EIF3L: variants seen among roughly 807,000 people sequenced by gnomAD.
EIF3L encodes the protein eIEF associated protein HSPC021.
A neutral mutation model predicts 74.6 loss-of-function variants in EIF3L; 32 were observed. The ratio of observed to expected loss-of-function variants is 0.43; its 90% CI spans 0.32 to 0.58. The LOEUF (loss-of-function observed/expected upper bound fraction) is 0.58, where lower values mean the gene tolerates loss of function less well. EIF3L is among the 20% of genes least tolerant of loss of function. The probability of loss-of-function intolerance (pLI) is 0.06; values close to 1 mark genes in which losing one functional copy is unlikely to be tolerated. For synonymous variants in EIF3L, 256 were observed against 254.4 expected (o/e 1.01, Z -0.06); for missense variants, 474 against 707.8 (o/e 0.67, Z 3.75).
In EIF3L at chr22:37,888,509, C is replaced by A; in HGVS notation, c.*45C>A. The A allele has an allele frequency of 6.2e-7, 1 of 1,602,360 alleles. No individual in the cohort carries two copies. Among genetic ancestry groups the A allele is most frequent in the Non-Finnish European group, 8.5e-7 (1 of 1,171,526 alleles). On this transcript the variant is annotated 3_prime_UTR_variant, in exon 13 of 13. Coordinates refer to ENST00000652021, the MANE Select transcript of EIF3L (RefSeq NM_016091.4). The stretch of plus-strand genomic sequence containing the variant: ...GGAACCTGTTTTGATGTATTATAGG[C>A]AGGAAGTGTTTTTGCTACCGTGAAA...
At chr22:37,883,046 CA>C (rs1674331688) in intron 11 of EIF3L, 1 of 151,762 alleles carries the variant, frequency 6.6e-6, no homozygotes, top group Admixed American at 6.6e-5. Context: ...CCTGTAATCC[CA>C]ACACTTTGAG....
chr22:37,855,791 C>T (rs1925471473), intron 4 of EIF3L, 147 bp downstream of exon 4: 2 of 597,642 alleles, frequency 3.3e-6, no homozygotes, highest in Non-Finnish European at 5.9e-6. Context: ...GGCAAAATAA[C>T]TTGTCGAAGG....
At chr22:37,884,307 AT>A (rs1294730918) in intron 11 of EIF3L, 1 of 152,096 alleles carries the variant, frequency 6.6e-6, no homozygotes, top group Non-Finnish European at 1.5e-5. Context: ...GTTGTTGCAC[AT>A]TTGGGGTTTT....
chr22:37,863,777 A>G lies in EIF3L; in HGVS notation c.579+432A>G, dbSNP rs143929215. On this transcript the variant is annotated intron_variant, in intron 7 of 12. Transcript: ENST00000652021. ...TATTATCTTTTTTTTTTTAAGAGTC[A>G]GGGTCAGGCCGGGCGCGGTGACTCA... is the stretch of plus-strand genomic sequence containing the variant. 1.4e-3 allele frequency among the ~76,000 whole-genome samples: 216 copies of G among 151,918 alleles called. 1 individual carries two copies. The highest frequency in any genetic ancestry group is 5.0e-3 in the African/African-American group (208 of 41,440).
In EIF3L at chr22:37,875,988, A is replaced by C. The variant is rs761516339; in HGVS notation, c.1054A>C (p.Arg352=). 1.8e-5 allele frequency: 29 copies of C among 1,613,936 alleles called. No homozygotes were observed. Among genetic ancestry groups the C allele is most frequent in the Non-Finnish European group, 2.4e-5 (28 of 1,179,968 alleles). ...CCAGAGGACCAAGAGCATGTTCCAGAGGACCACGTACAAGTATGAGATGGT... is the reference window on the plus strand; with the variant it reads ...CCAGAGGACCAAGAGCATGTTCCAGCGGACCACGTACAAGTATGAGATGGT... The part of the protein sequence containing the change: ...YIQRTKSMFQ[R]TTYKYEMINK... The change falls in exon 10 of 13, where the codon AGG becomes CGG. Residue 352 remains arginine, a synonymous_variant. Coordinates refer to ENST00000652021, the MANE Select transcript of EIF3L (RefSeq NM_016091.4).
At chr22:37,860,631 C>T (rs201513845) in intron 5 of EIF3L, among the ~76,000 whole-genome samples, 1 of 152,174 alleles carries the variant, frequency 6.6e-6, no homozygotes, top group East Asian at 1.9e-4. Flanking sequence ...CCTCGGCTTC[C>T]CAAAGTGCTA....
chr22:37,875,575 A>G (rs959170729), intron 9 of EIF3L, among the ~76,000 whole-genome samples: 1 of 152,196 alleles, frequency 6.6e-6, no homozygotes, highest in South Asian at 2.1e-4. Context: ...AAAAATAACA[A>G]AACTGAGATG....
At position 37,849,478 on chromosome 22, in the gene EIF3L, C is replaced by G; in HGVS notation, c.29C>G (p.Ser10Cys). 1 of 1,606,212 alleles carries G rather than the reference C, an allele frequency of 6.2e-7. No homozygotes were observed. Among genetic ancestry groups the G allele is most frequent in the Non-Finnish European group, 8.5e-7 (1 of 1,174,962 alleles). Residue 10 changes from serine to cysteine, a missense_variant, in exon 1 of 13, where the codon TCT becomes TGT. Physicochemically the swap from Ser to Cys is moderately radical, Grantham distance 112. Around this residue, in one of 4 missense-constraint regions of EIF3L, gnomAD observed 39 missense variants for 24.2 expected, o/e 1.61. Transcript: ENST00000652021. The stretch of plus-strand genomic sequence containing the variant: ...TCTTATCCCGCTGATGATTATGAGT[C>G]TGAGGTAAGGTGGCCGTAAGGGCGC... MSYPADDYE[S>C]EAAYDPYAYP...
At chr22:37,863,088 A>G in intron 6 of EIF3L, 50 bp downstream of exon 6, 2 of 1,466,384 alleles carry the variant, frequency 1.4e-6, no homozygotes, top group Non-Finnish European at 1.9e-6. Context: ...GATGAGGTTC[A>G]GCATTGGCCT....
At chr22:37,860,542 T>G (rs1411536996) in intron 5 of EIF3L, among the ~76,000 whole-genome samples, 2 of 152,138 alleles carry the variant, frequency 1.3e-5, no homozygotes, top group African/African-American at 4.8e-5. Context: ...CTGGCTAATT[T>G]TTGTATTTTT....
chr22:37,859,051 T>G (rs1925697757), intron 5 of EIF3L, among the ~76,000 whole-genome samples: 1 of 151,644 alleles, frequency 6.6e-6, no homozygotes, highest in Admixed American at 6.6e-5. Flanking sequence ...TGCTGCTGCT[T>G]CTGCTTGGGG....
rs766895925 is a variant in EIF3L, at chr22:37,863,336, C to T, written c.570C>T (p.Phe190=). 1 of 1,613,230 alleles carries T rather than the reference C, an allele frequency of 6.2e-7. No homozygotes were observed. Among genetic ancestry groups the T allele is most frequent in the South Asian group, 1.1e-5 (1 of 90,992 alleles). Reference sequence around the variant, plus strand: ...GGCTCTGGGATATTATCGATGAGTTCATCTACCAGGTATCTGGTCAGCTTC... The same window carrying T: ...GGCTCTGGGATATTATCGATGAGTTTATCTACCAGGTATCTGGTCAGCTTC... ...NQWLWDIIDE[F]IYQFQSFSQY... is the part of the protein sequence containing the mutation. The change falls in exon 7 of 13, where the codon TTC becomes TTT. Residue 190 remains phenylalanine, a synonymous_variant. Coordinates refer to ENST00000652021, the MANE Select transcript of EIF3L (RefSeq NM_016091.4).
Position 37,874,467 on chromosome 22 carries a change from GTTAGGA to G in EIF3L, c.850_855del (p.Leu284_Gly285del). ...TCGGGCTTCTCCGCCTGCACTCCCTGTTAGGAGATTACTACCAGGCCATCAAGGTGC... is the reference window on the plus strand; with the variant it reads ...TCGGGCTTCTCCGCCTGCACTCCCTGGATTACTACCAGGCCATCAAGGTGC... On this transcript the variant is annotated inframe_deletion, in exon 9 of 13. Coordinates refer to ENST00000652021, the MANE Select transcript of EIF3L (RefSeq NM_016091.4). 1 of 1,614,152 alleles carries G rather than the reference GTTAGGA, an allele frequency of 6.2e-7. No individual in the cohort carries two copies. Among genetic ancestry groups the G allele is most frequent in the Non-Finnish European group, 8.5e-7 (1 of 1,180,028 alleles).
chr22:37,880,091 G>A (rs1226827849), intron 11 of EIF3L: 1 of 151,482 alleles, frequency 6.6e-6, no homozygotes, highest in African/African-American at 2.4e-5. Context: ...GTGAGCCATC[G>A]CGCCCGGTAT....
chr22:37,873,275 T>C (rs1158549002), intron 8 of EIF3L, among the ~76,000 whole-genome samples: 3 of 150,526 alleles, frequency 2.0e-5, no homozygotes, highest in African/African-American at 2.4e-5. Context: ...AGGCATGAGC[T>C]GCGCTCAGTT....
At chr22:37,871,804 G>T (rs1036380226) in intron 8 of EIF3L, among the ~76,000 whole-genome samples, 3 of 150,532 alleles carry the variant, frequency 2.0e-5, no homozygotes, top group Non-Finnish European at 4.4e-5. Flanking sequence ...GGGAGGCAGA[G>T]GTTGCAGTGA....
At chr22:37,863,737 A>G (rs1002075184) in intron 7 of EIF3L, among the ~76,000 whole-genome samples, 1 of 151,770 alleles carries the variant, frequency 6.6e-6, no homozygotes, top group Non-Finnish European at 1.5e-5. Context: ...CTTTACCCAC[A>G]CAATGGAAAT....
At chr22:37,854,833 G>A (rs1334373120) in intron 3 of EIF3L, among the ~76,000 whole-genome samples, 5 of 152,130 alleles carry the variant, frequency 3.3e-5, no homozygotes, top group Non-Finnish European at 7.3e-5. Context: ...TAGAGACAGG[G>A]CCTTCCTATA....
intron 7 of EIF3L, among the ~76,000 whole-genome samples, chr22:37,869,783 G>A (rs546569292): frequency 2.8e-4 from 43 of 152,216 alleles, no homozygotes; most frequent in South Asian, 6.2e-4. Flanking sequence ...AACCCAGGGC[G>A]TACCACAGTC....
Sources: allele counts gnomAD v4.1 joint callset (sites outside exome capture counted in the v4.1 genomes callset), GRCh38; gene constraint gnomAD v4.1.1; regional missense constraint gnomAD v4.1.1; transcripts MANE v1.5; gene names NCBI Gene and HGNC (gene_info 2026-07-23, HGNC 2026-07-21).